CCT6B: variants seen among roughly 807,000 people sequenced by gnomAD.
CCT6B encodes probable T-complex protein 1 subunit zeta-2.
Under a neutral mutation model 61.5 loss-of-function variants are expected in CCT6B, and 49 were observed. The ratio of observed to expected loss-of-function variants is 0.80; its 90% confidence interval spans 0.63 to 1.01. CCT6B has a LOEUF of 1.01. Ranked by LOEUF, CCT6B falls within the 50% of genes least tolerant of loss-of-function variation. The pLI is 0.00. For synonymous variants in CCT6B, 228 were observed against 214.5 expected, an observed-to-expected ratio of 1.06 and a Z score of -0.55; for missense variants, 666 against 634.7, an observed-to-expected ratio of 1.05 and a Z score of -0.53.
At chr17:34,949,157 T>C (rs1195402300) in intron 5 of CCT6B, among the ~76,000 whole-genome samples, 8 of 142,044 alleles carry the variant, frequency 5.6e-5, no homozygotes, top group African/African-American at 7.9e-5. Flanking sequence ...GAGAAAATCA[T>C]AGAAAAGAAA....
chr17:34,940,968 TC>T (rs1478846930), intron 7 of CCT6B, among the ~76,000 whole-genome samples: 1 of 152,168 alleles, frequency 6.6e-6, no homozygotes, highest in Non-Finnish European at 1.5e-5. Context: ...ACAAATGGAT[TC>T]TCATATCTCA....
At chr17:34,935,190 C>T (rs1366559291) in intron 10 of CCT6B, among the ~76,000 whole-genome samples, 3 of 152,084 alleles carry the variant, frequency 2.0e-5, no homozygotes, top group Admixed American at 2.0e-4. Flanking sequence ...ATATGAGATA[C>T]ATAGAGTAAA....
intron 11 of CCT6B, 31 bp from the exon 12 acceptor site, chr17:34,931,082 T>G: frequency 1.3e-6 from 1 of 745,048 alleles, no homozygotes; most frequent in Non-Finnish European, 1.9e-6. Flanking sequence ...ATATATATTA[T>G]ATATATATGC....
At chr17:34,946,374 A>G (rs2090223927) in intron 5 of CCT6B, among the ~76,000 whole-genome samples, 2 of 152,236 alleles carry the variant, frequency 1.3e-5, no homozygotes, top group African/African-American at 4.8e-5. Context: ...TTTAGATATT[A>G]TAATTATCAA....
chr17:34,961,012 T>C (rs1434595698), intron 1 of CCT6B, among the ~76,000 whole-genome samples: 1 of 152,226 alleles, frequency 6.6e-6, no homozygotes, highest in African/African-American at 2.4e-5. Context: ...TCTAACTGCA[T>C]ATGAACCTTG....
At chr17:34,933,334 A>G (rs1036441793) in intron 10 of CCT6B, among the ~76,000 whole-genome samples, 1 of 152,184 alleles carries the variant, frequency 6.6e-6, no homozygotes, top group Non-Finnish European at 1.5e-5. Flanking sequence ...TATCACTTTT[A>G]TATCTGCTAC....
intron 11 of CCT6B, among the ~76,000 whole-genome samples, chr17:34,931,544 G>C (rs962761195): frequency 3.3e-5 from 5 of 152,108 alleles, no homozygotes; most frequent in African/African-American, 9.7e-5. Flanking sequence ...CTCCAAACCA[G>C]GCTCACTTCC....
At chr17:34,952,862 G>A (rs1199235412) in intron 4 of CCT6B, among the ~76,000 whole-genome samples, 2 of 152,090 alleles carry the variant, frequency 1.3e-5, no homozygotes, top group African/African-American at 4.8e-5. Context: ...TAAGAAATAG[G>A]ACAAAGGCCA....
chr17:34,936,657 A>G (rs989451507), intron 10 of CCT6B, among the ~76,000 whole-genome samples: 8 of 152,206 alleles, frequency 5.3e-5, no homozygotes, highest in Non-Finnish European at 1.0e-4. Flanking sequence ...AAATTTTAAA[A>G]ATAGCATATA....
At chr17:34,936,076 G>A (rs183390537) in intron 10 of CCT6B, among the ~76,000 whole-genome samples, 156 of 152,118 alleles carry the variant, frequency 1.0e-3, no homozygotes, top group Non-Finnish European at 1.9e-3. Flanking sequence ...TCAGCCTCAC[G>A]AGAAGCTGAG....
At chr17:34,935,463 A>T (rs754511827) in intron 10 of CCT6B, among the ~76,000 whole-genome samples, 4 of 152,242 alleles carry the variant, frequency 2.6e-5, no homozygotes, top group Admixed American at 2.0e-4. Context: ...GTAATCCATT[A>T]ATTTTTTAAA....
At chr17:34,949,875 T>C (rs2090271995) in intron 5 of CCT6B, among the ~76,000 whole-genome samples, 1 of 152,244 alleles carries the variant, frequency 6.6e-6, no homozygotes, top group African/African-American at 2.4e-5. Context: ...ATAGAAGTTC[T>C]GAACAACAGG....
intron 10 of CCT6B, 146 bp from the exon 11 acceptor site, chr17:34,932,646 C>T (rs2090049577): frequency 1.5e-6 from 1 of 647,262 alleles, no homozygotes; most frequent in African/African-American, 1.9e-5. Context: ...ACTCAGTTAT[C>T]TTATGAAACA....
At chr17:34,935,970 C>G (rs1388889774) in intron 10 of CCT6B, among the ~76,000 whole-genome samples, 15 of 150,918 alleles carry the variant, frequency 9.9e-5, no homozygotes, top group Non-Finnish European at 3.0e-5. Context: ...ACAACAACAA[C>G]AAGAAGTTTT....
intron 10 of CCT6B, among the ~76,000 whole-genome samples, chr17:34,933,813 T>A (rs1228445463): frequency 6.6e-6 from 1 of 152,148 alleles, no homozygotes; most frequent in African/African-American, 2.4e-5. Flanking sequence ...CTCAAACTAA[T>A]GACCCCAGCT....
chr17:34,954,358 C>G (rs907218468), intron 4 of CCT6B, 68 bp downstream of exon 4: 95 of 1,282,184 alleles, frequency 7.4e-5, no homozygotes, highest in Non-Finnish European at 9.8e-5. Context: ...GATTATCTTA[C>G]AGAAAAAGAA....
Position 34,958,630 on chromosome 17 carries a change from C to T in CCT6B, c.266G>A (p.Gly89Glu), listed in dbSNP as rs567261667. The T allele has an allele frequency of 5.0e-4, 807 of 1,605,626 alleles. 16 individuals carry two copies. The South Asian group carries it at 8.7e-3, about 17-fold the overall frequency. The change falls in exon 3 of 14, where the codon GGA becomes GAA. Residue 89 changes from glycine (G) to glutamate (E), a missense_variant. By Grantham distance (98) the Gly-to-Glu change is moderately conservative (BLOSUM62 -2). Transcript: ENST00000314144. ...KVATAQDDVT[G>E]DGTTSNVLII... Reference sequence around the variant, plus strand: ...TAGAACATTTGAAGTAGTACCATCTCCTGTGACGTCATCCTGAGCTGTTGC... The same window carrying T: ...TAGAACATTTGAAGTAGTACCATCTTCTGTGACGTCATCCTGAGCTGTTGC...
chr17:34,945,452 T>G (rs2090213057), intron 5 of CCT6B, among the ~76,000 whole-genome samples: 1 of 152,202 alleles, frequency 6.6e-6, no homozygotes. Flanking sequence ...CCACTTTTCC[T>G]GCTGATCATG....
chr17:34,938,592 G>C (rs150292938), intron 10 of CCT6B, among the ~76,000 whole-genome samples: 2 of 151,900 alleles, frequency 1.3e-5, no homozygotes, highest in East Asian at 3.9e-4. Context: ...GCAGCCAGGC[G>C]CAGTGGCTCA....
Sources: allele counts gnomAD v4.1 joint callset (sites outside exome capture counted in the v4.1 genomes callset), GRCh38; gene constraint gnomAD v4.1.1; transcripts MANE v1.5; gene names NCBI Gene and HGNC (gene_info 2026-07-23, HGNC 2026-07-21).